The following BICD1 variants were observed in gnomAD, a reference collection of about 807,000 sequenced individuals.
BICD1 encodes the protein BICD cargo adaptor 1.
Under a neutral mutation model 92.5 loss-of-function variants are expected in BICD1, and 35 were observed. The ratio of observed to expected loss-of-function variants is 0.38; its 90% CI spans 0.29 to 0.50. The LOEUF (loss-of-function observed/expected upper bound fraction) is 0.50, where lower values mean the gene tolerates loss of function less well. BICD1 is among the 20% of genes least tolerant of loss of function. The pLI is 0.93. For synonymous variants in BICD1, 429 were observed against 465.1 expected (o/e 0.92, Z 1.00); for missense variants, 950 against 1,189.8 (o/e 0.80, Z 2.97).
At chr12:32,128,353 T>C (rs1480939990) in intron 1 of BICD1, among the ~76,000 whole-genome samples, 1 of 152,364 alleles carries the variant, frequency 6.6e-6, no homozygotes, top group Non-Finnish European at 1.5e-5. Flanking sequence ...ATCTGAAATA[T>C]TGCCTCTAGT....
intron 4 of BICD1, among the ~76,000 whole-genome samples, chr12:32,318,680 C>A (rs1371214190): frequency 1.3e-5 from 2 of 152,122 alleles, no homozygotes; most frequent in Non-Finnish European, 2.9e-5. Flanking sequence ...CATGGAGAAA[C>A]CCCATCTCTG....
In BICD1 at chr12:32,107,000, C is replaced by A. The variant is rs1015259041; in HGVS notation, c.-332C>A. On this transcript the variant is annotated 5_prime_UTR_variant, in exon 1 of 10. Coordinates refer to ENST00000652176, the MANE Select transcript of BICD1 (RefSeq NM_001714.4). ...GTCTCTGAATAAGCAGAATCCGGAG[C>A]CCCTCGCTACCCGCGGCCGCCGCAG... 2.7e-5 allele frequency: 8 copies of A among 293,422 alleles called. No individual in the cohort carries two copies. Among genetic ancestry groups the A allele is most frequent in the Admixed American group, 9.8e-5 (2 of 20,376 alleles). 18.2% of individuals were successfully genotyped at this position (293,422 alleles called of 1,614,324 possible).
chr12:32,260,018 G>A (rs1296425949), intron 2 of BICD1, among the ~76,000 whole-genome samples: 7 of 150,626 alleles, frequency 4.6e-5, no homozygotes, highest in African/African-American at 1.2e-4. Flanking sequence ...TCTGCCTCCC[G>A]GGTTCAAGTG....
Position 32,382,134 on chromosome 12 carries a change from G to C in BICD1, c.*4507G>C, listed in dbSNP as rs1003896655. The C allele has an allele frequency of 6.6e-6, 1 of 151,942 alleles. No individual in the cohort carries two copies. Among genetic ancestry groups the C allele is most frequent in the African/African-American group, 2.4e-5 (1 of 41,390 alleles). The allele number at this position is 151,942 out of a possible 1,614,324, so 9.4% of individuals were successfully genotyped here. ...ATTAAGTTCATCTTTATTTATATGC[G>C]AACTTAACTGCCATAGTCCCTAATG... On this transcript the variant is annotated 3_prime_UTR_variant, in exon 10 of 10. Coordinates refer to ENST00000652176, the MANE Select transcript of BICD1 (RefSeq NM_001714.4).
intron 2 of BICD1, among the ~76,000 whole-genome samples, chr12:32,221,877 G>A (rs56210256): frequency 3.3e-5 from 5 of 152,104 alleles, no homozygotes; most frequent in Non-Finnish European, 4.4e-5. Flanking sequence ...AGAGCATAAA[G>A]AAAGCAGATT....
intron 3 of BICD1, among the ~76,000 whole-genome samples, chr12:32,300,893 C>T (rs1429108978): frequency 4.0e-5 from 6 of 151,866 alleles, no homozygotes; most frequent in Non-Finnish European, 5.9e-5. Context: ...CCTCATGATC[C>T]ACCCACCCCA....
rs111403291 is a variant in BICD1, at chr12:32,238,944, CAA to C, written c.426+22504_426+22505del. Among the ~76,000 whole-genome samples, 275 of 70,550 alleles carry C rather than the reference CAA, an allele frequency of 3.9e-3. 1 individual carries two copies. Among genetic ancestry groups the C allele is most frequent in the African/African-American group, 0.011 (246 of 23,026 alleles). The allele number at this position is 70,550 out of a possible 152,430, so 46.3% of individuals were successfully genotyped here. On this transcript the variant is annotated intron_variant, in intron 2 of 9. Coordinates refer to ENST00000652176, the MANE Select transcript of BICD1 (RefSeq NM_001714.4). ...GGGCAACAAGAGCAAAACTCTGTCT[CAA>C]AAAAAAAAAAAAAAAAAAGGCTGGG...
chr12:32,192,729 G>A (rs1944612651), intron 1 of BICD1, among the ~76,000 whole-genome samples: 1 of 152,202 alleles, frequency 6.6e-6, no homozygotes, highest in Admixed American at 6.5e-5. Context: ...AAATGCTGAT[G>A]TAGGGGCCGC....
At chr12:32,195,040 G>A (rs1392661002) in intron 1 of BICD1, among the ~76,000 whole-genome samples, 1 of 141,884 alleles carries the variant, frequency 7.0e-6, no homozygotes, top group Non-Finnish European at 1.5e-5. Context: ...TGAGGCTGCA[G>A]TAAGTCATGA....
In BICD1 at chr12:32,269,863, C is replaced by G. The variant is rs113858630; in HGVS notation, c.427-24131C>G. On this transcript the variant is annotated intron_variant, in intron 2 of 9. Coordinates refer to ENST00000652176, the MANE Select transcript of BICD1 (RefSeq NM_001714.4). ...TATCATATCGGGCTGAGCAGGGTGG[C>G]TCACGCTTGTAATCCCAGCACTTTG... Among the ~76,000 whole-genome samples the G allele has an allele frequency of 5.2e-3, 791 of 152,120 alleles. 6 individuals carry two copies. The highest frequency in any genetic ancestry group is 0.018 in the African/African-American group (749 of 41,494).
At chr12:32,339,233 G>A (rs897114017) in intron 8 of BICD1, 2 of 1,197,236 alleles carry the variant, frequency 1.7e-6, no homozygotes, top group African/African-American at 1.6e-5. Flanking sequence ...ATAGGTAAAG[G>A]GAAATTAGCA....
chr12:32,327,239 T>C (rs970777682), intron 4 of BICD1, among the ~76,000 whole-genome samples: 1 of 152,210 alleles, frequency 6.6e-6, no homozygotes, highest in Non-Finnish European at 1.5e-5. Context: ...CAAGCGAAAT[T>C]GATGGGTAAC....
chr12:32,315,420 G>A (rs1316703632), intron 4 of BICD1, among the ~76,000 whole-genome samples: 3 of 152,152 alleles, frequency 2.0e-5, no homozygotes, highest in Non-Finnish European at 4.4e-5. Flanking sequence ...TTTTCAAGAA[G>A]TTTCTTCAGG....
intron 8 of BICD1, among the ~76,000 whole-genome samples, chr12:32,347,346 A>G (rs1050861962): frequency 5.9e-5 from 9 of 151,564 alleles, no homozygotes; most frequent in African/African-American, 1.9e-4. Flanking sequence ...ATAGATACAT[A>G]TTAAATGTTT....
chr12:32,192,474 A>G (rs1944602853), intron 1 of BICD1, among the ~76,000 whole-genome samples: 1 of 151,968 alleles, frequency 6.6e-6, no homozygotes, highest in Admixed American at 6.6e-5. Context: ...AGATAGATAG[A>G]TAGACAAATA....
intron 1 of BICD1, among the ~76,000 whole-genome samples, chr12:32,211,255 T>A (rs1236110590): frequency 6.6e-6 from 1 of 152,194 alleles, no homozygotes; most frequent in Non-Finnish European, 1.5e-5. Context: ...TCATATACTT[T>A]CATTGTTTTT....
intron 4 of BICD1, among the ~76,000 whole-genome samples, chr12:32,311,278 A>G (rs1011950692): frequency 2.6e-5 from 4 of 152,174 alleles, no homozygotes; most frequent in African/African-American, 9.7e-5. Context: ...TGGGTGGATC[A>G]TGAAGTCAAG....
At chr12:32,185,463 G>C (rs528584041) in intron 1 of BICD1, among the ~76,000 whole-genome samples, 1 of 152,168 alleles carries the variant, frequency 6.6e-6, no homozygotes, top group African/African-American at 2.4e-5. Context: ...ACTATTCCAT[G>C]TCACTGTCAT....
chr12:32,329,105 A>T (rs187787), intron 5 of BICD1, among the ~76,000 whole-genome samples: 118,043 of 151,872 alleles, frequency 0.78, 46,063 homozygotes, highest in East Asian at 0.87. Context: ...TATTATTATT[A>T]TTTTTTATTT....
Sources: allele counts gnomAD v4.1 joint callset (sites outside exome capture counted in the v4.1 genomes callset), GRCh38; gene constraint gnomAD v4.1.1; transcripts MANE v1.5; gene names NCBI Gene and HGNC (gene_info 2026-07-23, HGNC 2026-07-21).